Variants in PROX1 observed in about 807,000 individuals in gnomAD.
The protein encoded by PROX1 is prospero homeobox 1, also known as prospero homeobox protein 1.
Under a neutral mutation model 58.8 loss-of-function variants are expected in PROX1, and 7 were observed. The observed-to-expected ratio is 0.12, with a 90% CI of 0.07 to 0.22. PROX1 has a LOEUF of 0.22. Ranked by LOEUF, PROX1 falls within the 10% of genes least tolerant of loss-of-function variation. PROX1 has a pLI of 1.00. For missense variants in PROX1, 675 were observed against 927.8 expected, an observed-to-expected ratio of 0.73 and a Z score of 3.54; for synonymous variants, 350 against 358.3, an observed-to-expected ratio of 0.98 and a Z score of 0.26.
Position 214,040,886 on chromosome 1 carries a change from A to G in PROX1, c.*5052A>G, listed in dbSNP as rs537304595. ...ATTTGATGAAGGTGTACAATTTTGT[A>G]TTACCAAGGATGTACTGTAATATTA... On this transcript the variant is annotated 3_prime_UTR_variant, in exon 5 of 5. Coordinates refer to ENST00000366958, the MANE Select transcript of PROX1 (RefSeq NM_001270616.2). 5 of 152,210 alleles carry G rather than the reference A, an allele frequency of 3.3e-5. No individual in the cohort carries two copies. The South Asian group carries it at 1.0e-3, about 32-fold the overall frequency. 9.4% of individuals were successfully genotyped at this position (152,210 alleles called of 1,614,324 possible). A position where few individuals can be genotyped will look rare whatever the true frequency, so the allele number is the denominator to read the frequency against.
chr1:214,020,141 G>A (rs1274178374), intron 4 of PROX1, among the ~76,000 whole-genome samples: 2 of 152,102 alleles, frequency 1.3e-5, no homozygotes, highest in Non-Finnish European at 2.9e-5. Context: ...AGTTTATGAT[G>A]AGAGACAGGG....
intron 3 of PROX1, among the ~76,000 whole-genome samples, chr1:214,011,225 T>G (rs558267427): frequency 6.6e-6 from 1 of 152,312 alleles, no homozygotes. Context: ...TACTGAAAGA[T>G]GAAGAACAAT....
chr1:214,000,027 G>GTC (rs900813632), intron 2 of PROX1, among the ~76,000 whole-genome samples: 21 of 130,210 alleles, frequency 1.6e-4, no homozygotes, highest in Non-Finnish European at 2.9e-4. Context: ...GGTTCTTTCT[G>GTC]TCTCTCTCTC....
upstream of PROX1, chr1:213,987,738 C>T (rs1196121377): frequency 2.6e-5 from 2 of 76,054 alleles, no homozygotes; most frequent in Admixed American, 1.4e-4. Flanking sequence ...GGATGGAGGC[C>T]GGGGAGGGGG....
rs1026285999 is a variant in PROX1 at position 214,037,613 on chromosome 1, G to A, written c.*1779G>A. On this transcript the variant is annotated 3_prime_UTR_variant, in exon 5 of 5. Coordinates refer to ENST00000366958, the MANE Select transcript of PROX1 (RefSeq NM_001270616.2). ...CTATGATGCCCTGCACCATCCAGGG[G>A]ACTAACAGGGCCTCGCAGTGTAGAC... 6.6e-6 allele frequency: 1 copy of A among 152,156 alleles called. No individual in the cohort carries two copies. The highest frequency in any genetic ancestry group is 6.5e-5 in the Admixed American group (1 of 15,272). 9.4% of individuals were successfully genotyped at this position (152,156 alleles called of 1,614,324 possible).
At chr1:214,027,985 A>G (rs1027437282) in intron 4 of PROX1, among the ~76,000 whole-genome samples, 1 of 151,844 alleles carries the variant, frequency 6.6e-6, no homozygotes, top group Non-Finnish European at 1.5e-5. Context: ...CACTTCCTAC[A>G]AGCATTTACT....
intron 4 of PROX1, among the ~76,000 whole-genome samples, chr1:214,031,584 G>A (rs1450234429): frequency 6.6e-6 from 1 of 152,104 alleles, no homozygotes; most frequent in Non-Finnish European, 1.5e-5. Context: ...GGTTCATTCT[G>A]CAGATTGTTG....
rs758671921 is a variant in PROX1 at position 213,997,336 on chromosome 1, A to G, written c.801A>G (p.Glu267=). Reference sequence around the variant, plus strand: ...AAATCTATGACAGCACTGATTCGGAAAATGATGAAGATGGTAACCTGTCTG... The same window carrying G: ...AAATCTATGACAGCACTGATTCGGAGAATGATGAAGATGGTAACCTGTCTG... ...FYQIYDSTDS[E]NDEDGNLSED... is the part of the protein sequence containing the mutation. The change falls in exon 2 of 5, where the codon GAA becomes GAG. Residue 267 remains glutamate, a synonymous_variant. Coordinates refer to ENST00000366958, the MANE Select transcript of PROX1 (RefSeq NM_001270616.2). The surrounding 1 kb of genome is among the most constrained non-coding windows in gnomAD (Gnocchi z 7.1). 12 of 1,613,990 alleles carry G rather than the reference A, an allele frequency of 7.4e-6. No individual in the cohort carries two copies.
intron 3 of PROX1, 106 bp from the exon 4 acceptor site, chr1:214,011,415 T>C: frequency 1.0e-5 from 11 of 1,057,916 alleles, no homozygotes; most frequent in Non-Finnish European, 1.5e-5. Context: ...TACGTATCTT[T>C]CCAAGTAAAG....
Position 213,996,596 on chromosome 1 carries a change from A to G in PROX1, c.61A>G (p.Ile21Val). The G allele has an allele frequency of 6.2e-7, 1 of 1,614,188 alleles. No homozygotes were observed. The highest frequency in any genetic ancestry group is 8.5e-7 in the Non-Finnish European group (1 of 1,180,038). The change falls in exon 2 of 5, where the codon ATT becomes GTT. Residue 21 changes from isoleucine to valine, a missense_variant. By Grantham distance (29) the Ile-to-Val change is conservative. This residue lies in a region of PROX1 where 157 missense variants were observed against 197.8 expected (regional missense o/e 0.79). Coordinates refer to ENST00000366958, the MANE Select transcript of PROX1 (RefSeq NM_001270616.2). Reference protein sequence around the residue: ...SRQTKRRRVDIGVKRTVGTAS... With the variant: ...SRQTKRRRVDVGVKRTVGTAS... ...GCAAACCAAGAGGAGAAGAGTTGAC[A>G]TTGGAGTGAAAAGGACGGTAGGGAC... is the stretch of plus-strand genomic sequence containing the variant.
intron 2 of PROX1, among the ~76,000 whole-genome samples, chr1:214,000,726 C>T (rs1663476749): frequency 6.6e-6 from 1 of 152,130 alleles, no homozygotes; most frequent in African/African-American, 2.4e-5. Flanking sequence ...TTCTATAGTT[C>T]CCACAATTCT....
At chr1:214,027,188 C>T (rs908405524) in intron 4 of PROX1, among the ~76,000 whole-genome samples, 7 of 152,120 alleles carry the variant, frequency 4.6e-5, no homozygotes, top group Admixed American at 1.3e-4. Context: ...TGCTCCTTCT[C>T]TAGCCTTTCC....
chr1:214,013,953 C>G (rs1389728939), intron 4 of PROX1, among the ~76,000 whole-genome samples: 3 of 152,190 alleles, frequency 2.0e-5, no homozygotes, highest in African/African-American at 4.8e-5. Context: ...GTCCTGCCCC[C>G]TCTACTCACA....
Position 213,988,227 on chromosome 1 carries a change from T to A in PROX1, c.-324T>A, listed in dbSNP as rs963050775. Reference sequence around the variant, plus strand: ...TTCCCTCTCCTCGCCTCTCCCCTGCTCCTCTTCTCTCGTCTCCCCTCCCCT... The same window carrying A: ...TTCCCTCTCCTCGCCTCTCCCCTGCACCTCTTCTCTCGTCTCCCCTCCCCT... On this transcript the variant is annotated 5_prime_UTR_variant, in exon 1 of 5. Transcript: ENST00000366958. The A allele has an allele frequency of 1.3e-5, 2 of 151,862 alleles. No individual in the cohort carries two copies. Among genetic ancestry groups the A allele is most frequent in the African/African-American group, 4.9e-5 (2 of 40,990 alleles). The allele number at this position is 151,862 out of a possible 1,614,324, so 9.4% of individuals were successfully genotyped here.
chr1:214,015,197 A>T (rs1393847224), intron 4 of PROX1, among the ~76,000 whole-genome samples: 2 of 152,122 alleles, frequency 1.3e-5, no homozygotes, highest in African/African-American at 2.4e-5. Flanking sequence ...ATACACTTTT[A>T]GTTTGTGCTA....
intron 4 of PROX1, among the ~76,000 whole-genome samples, chr1:214,018,563 T>C (rs1040013139): frequency 2.6e-5 from 4 of 152,194 alleles, no homozygotes; most frequent in African/African-American, 9.7e-5. Context: ...CGTCTATTAA[T>C]GATCATTATA....
At chr1:214,026,428 G>T (rs981493375) in intron 4 of PROX1, among the ~76,000 whole-genome samples, 1 of 152,154 alleles carries the variant, frequency 6.6e-6, no homozygotes, top group African/African-American at 2.4e-5. Flanking sequence ...CTATGGAAGA[G>T]ATGGTTTTAC....
At chr1:214,002,389 C>A in intron 2 of PROX1, among the ~76,000 whole-genome samples, 1 of 137,374 alleles carries the variant, frequency 7.3e-6, no homozygotes, top group Non-Finnish European at 1.6e-5. Flanking sequence ...GATTTATCAT[C>A]TTTTCTTTTT....
chr1:214,020,033 T>G (rs1273593479), intron 4 of PROX1, among the ~76,000 whole-genome samples: 1 of 152,138 alleles, frequency 6.6e-6, no homozygotes. Flanking sequence ...TTTCCTACTT[T>G]TTTTCCCCCA....
Sources: gnomAD v4.1 joint callset for allele counts (sites outside exome capture counted in the v4.1 genomes callset) on GRCh38, gnomAD v4.1.1 for gene constraint, gnomAD v4.1.1 regional missense constraint, Gnocchi (gnomAD v3.1) non-coding constraint, MANE v1.5 for transcripts, NCBI Gene and HGNC (gene_info 2026-07-23, HGNC 2026-07-21) for gene names.